Variants in TSBP1 observed in about 807,000 individuals in gnomAD.
TSBP1 encodes the protein testis expressed basic protein 1, also known as testis-expressed basic protein 1.
Under a neutral mutation model 68.8 loss-of-function variants are expected in TSBP1, and 56 were observed. The ratio of observed to expected loss-of-function variants is 0.81; its 90% CI spans 0.66 to 1.02. The LOEUF (loss-of-function observed/expected upper bound fraction) is 1.02, where lower values mean the gene tolerates loss of function less well. TSBP1 is among the 50% of genes least tolerant of loss of function. The probability of loss-of-function intolerance (pLI) is 0.00; values close to 1 mark genes in which losing one functional copy is unlikely to be tolerated. For missense variants in TSBP1, 502 were observed against 641.2 expected, an observed-to-expected ratio of 0.78 and a Z score of 2.34; for synonymous variants, 171 against 208.7, an observed-to-expected ratio of 0.82 and a Z score of 1.56.
chr6:32,365,236 C>A lies in TSBP1; in HGVS notation c.217+931G>T. ...TGTGCTTTCTCTCAATCCTGCAAAG[C>A]CAGTCCAGGTTCTGAGAGCCTTCCC... is the stretch of plus-strand genomic sequence containing the variant. On this transcript the variant is annotated intron_variant, in intron 6 of 22. Coordinates refer to ENST00000612031, the Ensembl canonical transcript of TSBP1. The surrounding 1 kb of genome is among the most constrained non-coding windows in gnomAD (Gnocchi z 4.3). 1 of 442,084 alleles carries A rather than the reference C, an allele frequency of 2.3e-6. No homozygotes were observed. Among genetic ancestry groups the A allele is most frequent in the Non-Finnish European group, 4.5e-6 (1 of 220,316 alleles). The allele number at this position is 442,084 out of a possible 1,614,324, so 27.4% of individuals were successfully genotyped here. A position where few individuals can be genotyped will look rare whatever the true frequency, so the allele number is the denominator to read the frequency against.
chr6:32,318,287 G>T (rs536650), intron 18 of TSBP1, among the ~76,000 whole-genome samples: 4,294 of 152,184 alleles, frequency 0.028, 171 homozygotes, highest in African/African-American at 0.086. Context: ...CAGGCACTGG[G>T]GCTTATTGAA....
chr6:32,322,962 C>T (rs1330589051), intron 18 of TSBP1, among the ~76,000 whole-genome samples, 155 bp downstream of exon 19: 1 of 151,984 alleles, frequency 6.6e-6, no homozygotes, highest in African/African-American at 2.4e-5. Flanking sequence ...TGAATGCTAG[C>T]TTAGTCCCAC....
In TSBP1 at chr6:32,333,032, A is replaced by G. The variant is rs3129960; in HGVS notation, c.473-978T>C. The stretch of plus-strand genomic sequence containing the variant: ...TTTTGTTGTTGTTTTTTTTTTAGAC[A>G]GAGTCTTACTCTGTCGCCCAGGCTG... On this transcript the variant is annotated intron_variant, in intron 14 of 22. Transcript: ENST00000612031. The surrounding 1 kb of genome is among the most constrained non-coding windows in gnomAD (Gnocchi z 4.2). Among the ~76,000 whole-genome samples, 125,556 of 151,470 alleles carry G rather than the reference A, an allele frequency of 0.83. 52,124 individuals carry two copies. Among genetic ancestry groups the G allele is most frequent in the South Asian group, 0.91 (4,334 of 4,786 alleles).
At position 32,325,732 on chromosome 6, in the gene TSBP1, C is replaced by A. The variant is rs28732190; in HGVS notation, c.515-2118G>T. ...TTCAGAAATACCACAGTGTGAATGG[C>A]CACAACTGTGAAGTTAGGAAAGTCT... On this transcript the variant is annotated intron_variant, in intron 16 of 22. Transcript: ENST00000612031. This position sits in a 1 kb window ranked among gnomAD's most constrained non-coding sequence, Gnocchi z 4.4. 0.03 allele frequency: 32,402 copies of A among 1,066,202 alleles called. 663 individuals are homozygous for A. Among genetic ancestry groups the A allele is most frequent in the South Asian group, 0.049 (3,994 of 80,904 alleles). 66.0% of individuals were successfully genotyped at this position (1,066,202 alleles called of 1,614,324 possible).
At chr6:32,326,115 A>G (rs1768193955) in intron 16 of TSBP1, 2 of 1,409,882 alleles carry the variant, frequency 1.4e-6, no homozygotes, top group African/African-American at 1.4e-5. Flanking sequence ...CCAAACCATG[A>G]AACCAAAGTG....
chr6:32,371,283 G>A (rs556904935), intron 1 of TSBP1, among the ~76,000 whole-genome samples: 3 of 152,172 alleles, frequency 2.0e-5, no homozygotes, highest in South Asian at 4.2e-4. Context: ...TGTCTGAAAT[G>A]CCCTGTCTAT....
intron 22 of TSBP1, among the ~76,000 whole-genome samples, chr6:32,296,794 T>C (rs1764772067): frequency 6.6e-6 from 1 of 152,236 alleles, no homozygotes; most frequent in African/African-American, 2.4e-5. Context: ...AAATTTACCT[T>C]CTAAATTATA....
intron 19 of TSBP1, among the ~76,000 whole-genome samples, chr6:32,313,787 A>ACC (rs1766665847): frequency 6.6e-6 from 1 of 152,180 alleles, no homozygotes; most frequent in Non-Finnish European, 1.5e-5. Context: ...CTGCATGGGT[A>ACC]GCACACCTCC....
In TSBP1 at chr6:32,336,572, G is replaced by A. The variant is rs184055134; in HGVS notation, c.430+43C>T. 4.4e-3 allele frequency: 6,768 copies of A among 1,555,056 alleles called. 21 individuals are homozygous for A. The highest frequency in any genetic ancestry group is 7.8e-3 in the Admixed American group (470 of 59,902). On this transcript the variant is annotated intron_variant, in intron 12 of 22. Transcript: ENST00000612031. The surrounding 1 kb of genome is among the most constrained non-coding windows in gnomAD (Gnocchi z 5.2). ...TCAGGCCCCAAGACCTTGTAGGTCA[G>A]ATATCAAAGGGACCAGAGTGGAAAA...
At chr6:32,320,122 C>A (rs1208867720) in intron 18 of TSBP1, 10 of 454,818 alleles carry the variant, frequency 2.2e-5, no homozygotes, top group African/African-American at 4.0e-5. Flanking sequence ...TTTCTTATTC[C>A]TTGGGGGCTA....
At chr6:32,367,167 G>GAA (rs1173533426) in intron 4 of TSBP1, among the ~76,000 whole-genome samples, 1 of 151,814 alleles carries the variant, frequency 6.6e-6, no homozygotes, top group Non-Finnish European at 1.5e-5. Context: ...CTTCCAGCAA[G>GAA]AATGAGAGGT....
chr6:32,335,990 G>A lies in TSBP1; in HGVS notation c.431-58C>T. ...TATCAGTATGCTTCACCACTGTGAA[G>A]GAAATTTCCATTTCCCAACACTCGC... On this transcript the variant is annotated intron_variant, in intron 12 of 22. Coordinates refer to ENST00000612031, the Ensembl canonical transcript of TSBP1. The surrounding 1 kb of genome is among the most constrained non-coding windows in gnomAD (Gnocchi z 5.5). 6.9e-7 allele frequency: 1 copy of A among 1,443,026 alleles called. No homozygotes were observed. The highest frequency in any genetic ancestry group is 9.7e-7 in the Non-Finnish European group (1 of 1,033,318). The allele number at this position is 1,443,026 out of a possible 1,614,324, so 89.4% of individuals were successfully genotyped here. A position where few individuals can be genotyped will look rare whatever the true frequency, so the allele number is the denominator to read the frequency against.
intron 9 of TSBP1, 147 bp downstream of exon 9, chr6:32,349,593 G>C: frequency 1.6e-6 from 1 of 611,604 alleles, no homozygotes; most frequent in Non-Finnish European, 2.9e-6. Flanking sequence ...TGAAGTGTCT[G>C]GTTATGGAGA....
At chr6:32,300,097 C>T (rs927801563) in intron 21 of TSBP1, among the ~76,000 whole-genome samples, 161 bp from the exon 25 acceptor site, 1 of 151,126 alleles carries the variant, frequency 6.6e-6, no homozygotes, top group Non-Finnish European at 1.5e-5. Flanking sequence ...TGCTCCATAT[C>T]GCACTCCACA....
intron 15 of TSBP1, 82 bp from the exon 17 acceptor site, chr6:32,330,691 CAG>C: frequency 1.4e-6 from 2 of 1,445,718 alleles, no homozygotes; most frequent in Non-Finnish European, 1.9e-6. Context: ...TTTTTTGAGA[CAG>C]AGTCTCTCAC....
Position 32,325,379 on chromosome 6 carries a change from C to CA in TSBP1, c.515-1766dup, listed in dbSNP as rs1191088518. 3.1e-6 allele frequency: 3 copies of CA among 963,176 alleles called. No homozygotes were observed. The East Asian group carries it at 7.2e-5, about 23-fold the overall frequency. 59.7% of individuals were successfully genotyped at this position (963,176 alleles called of 1,614,324 possible). A position where few individuals can be genotyped will look rare whatever the true frequency, so the allele number is the denominator to read the frequency against. On this transcript the variant is annotated intron_variant, in intron 16 of 22. Transcript: ENST00000612031. This position sits in a 1 kb window ranked among gnomAD's most constrained non-coding sequence, Gnocchi z 4.4. ...ATGAGAGATCCAAACCCAAGCACTC[C>CA]AGGGGCTTTGGATTTTTCACATATG...
intron 8 of TSBP1, 38 bp downstream of exon 8, chr6:32,355,086 A>G (rs1298821675): frequency 6.3e-7 from 1 of 1,593,556 alleles, no homozygotes; most frequent in Admixed American, 1.7e-5. Context: ...TGCAAACCAG[A>G]TGACAGTAGA....
chr6:32,296,754 T>C (rs1764767743), intron 22 of TSBP1, among the ~76,000 whole-genome samples: 1 of 152,194 alleles, frequency 6.6e-6, no homozygotes, highest in African/African-American at 2.4e-5. Flanking sequence ...TTTGCTACTG[T>C]GTGTAATACT....
At chr6:32,350,097 G>C (rs756928413) in intron 8 of TSBP1, 10 of 603,010 alleles carry the variant, frequency 1.7e-5, no homozygotes, top group African/African-American at 1.5e-4. Flanking sequence ...CTGCTGCTCT[G>C]TTCTTTCCTT....
Sources: gnomAD v4.1 joint callset for allele counts (sites outside exome capture counted in the v4.1 genomes callset) on GRCh38, gnomAD v4.1.1 for gene constraint, Gnocchi (gnomAD v3.1) non-coding constraint, MANE v1.5 for transcripts, NCBI Gene and HGNC (gene_info 2026-07-23, HGNC 2026-07-21) for gene names.